IRS1: variants seen among roughly 807,000 people sequenced by gnomAD.
IRS1 encodes insulin receptor substrate 1.
In IRS1, 34 loss-of-function variants were observed where a neutral mutation model predicts 65.6. The ratio of observed to expected loss-of-function variants is 0.52; its 90% CI spans 0.39 to 0.69. The LOEUF (loss-of-function observed/expected upper bound fraction) is 0.69, where lower values mean the gene tolerates loss of function less well. Ranked by LOEUF, IRS1 falls within the 30% of genes least tolerant of loss-of-function variation. The pLI is 0.00. For synonymous variants in IRS1, 699 were observed against 683.5 expected, an observed-to-expected ratio of 1.02 and a Z score of -0.35; for missense variants, 1,641 against 1,720.2, an observed-to-expected ratio of 0.95 and a Z score of 0.81.
At chr2:226,762,711 C>T (rs1319963518) in intron 1 of IRS1, among the ~76,000 whole-genome samples, 1 of 152,168 alleles carries the variant, frequency 6.6e-6, no homozygotes, top group South Asian at 2.1e-4. Flanking sequence ...TAGGTTGGTG[C>T]AAATGTAATT....
At chr2:226,788,436 A>T (rs1939527812) in intron 1 of IRS1, among the ~76,000 whole-genome samples, 1 of 152,208 alleles carries the variant, frequency 6.6e-6, no homozygotes, top group African/African-American at 2.4e-5. Context: ...AAGCTCTATT[A>T]TTCAAAGATC....
intron 1 of IRS1, among the ~76,000 whole-genome samples, chr2:226,772,856 A>G (rs528931607): frequency 1.3e-5 from 2 of 152,112 alleles, no homozygotes; most frequent in African/African-American, 2.4e-5. Context: ...GTAAGACACT[A>G]AATTTTTTTT....
At chr2:226,765,759 G>A (rs1268567493) in intron 1 of IRS1, among the ~76,000 whole-genome samples, 2 of 152,100 alleles carry the variant, frequency 1.3e-5, no homozygotes, top group African/African-American at 4.8e-5. Context: ...TATGCAGGAT[G>A]TCTTCATCAG....
chr2:226,797,342 A>C lies in IRS1; in HGVS notation c.1397T>G (p.Ile466Ser). 1 of 1,613,228 alleles carries C rather than the reference A, an allele frequency of 6.2e-7. No individual in the cohort carries two copies. Among genetic ancestry groups the C allele is most frequent in the Non-Finnish European group, 8.5e-7 (1 of 1,179,930 alleles). Reference sequence around the variant, plus strand: ...GGAGGGCCCCTTGCCACCCATGCAGATATAGTTGCTTAGCTCCTCCTCACC... The same window carrying C: ...GGAGGGCCCCTTGCCACCCATGCAGCTATAGTTGCTTAGCTCCTCCTCACC... ...ARGEEELSNY[I>S]CMGGKGPSTL... The change falls in exon 1 of 2, where the codon ATC (isoleucine) becomes AGC (serine). Residue 466 changes from isoleucine (I) to serine (S), a missense_variant. By Grantham distance (142) the Ile-to-Ser change is moderately radical. Around this residue, in one of 3 missense-constraint regions of IRS1, gnomAD observed 1,324 missense variants for 1,361.0 expected, o/e 0.97. Coordinates refer to ENST00000305123, the MANE Select transcript of IRS1 (RefSeq NM_005544.3). The surrounding 1 kb of genome is among the most constrained non-coding windows in gnomAD (Gnocchi z 8.1).
Position 226,796,378 on chromosome 2 carries a change from C to T in IRS1, c.2361G>A (p.Gln787=), listed in dbSNP as rs1241642003. The T allele has an allele frequency of 1.2e-6, 2 of 1,613,298 alleles. No homozygotes were observed. The highest frequency in any genetic ancestry group is 1.1e-5 in the South Asian group (1 of 91,084). ...PGEPEEGARH[Q]HLRLSTSSGR... is the part of the protein sequence containing the mutation. ...CAGAGCTAGTGGAAAGGCGGAGGTG[C>T]TGATGCCGGGCACCCTCCTCCGGCT... is the stretch of plus-strand genomic sequence containing the variant. The change falls in exon 1 of 2, where the codon CAG becomes CAA. Residue 787 remains glutamine (Q), a synonymous_variant. Coordinates refer to ENST00000305123, the MANE Select transcript of IRS1 (RefSeq NM_005544.3).
chr2:226,738,797 G>C (rs964026973), intron 1 of IRS1, among the ~76,000 whole-genome samples: 6 of 152,154 alleles, frequency 3.9e-5, no homozygotes, highest in African/African-American at 9.7e-5. Context: ...CCTCTAATTA[G>C]GCAGGAAGGC....
chr2:226,747,329 G>A (rs1263827389), intron 1 of IRS1, among the ~76,000 whole-genome samples: 5 of 152,198 alleles, frequency 3.3e-5, no homozygotes, highest in African/African-American at 1.2e-4. Flanking sequence ...GGTATTAGGA[G>A]GTGGTGCCTT....
chr2:226,771,657 T>A (rs1939167240), intron 1 of IRS1, among the ~76,000 whole-genome samples: 1 of 152,046 alleles, frequency 6.6e-6, no homozygotes. Context: ...TATGTTTATA[T>A]ACATATATAA....
intron 1 of IRS1, among the ~76,000 whole-genome samples, chr2:226,791,018 T>G (rs1401584106): frequency 6.6e-6 from 1 of 152,316 alleles, no homozygotes; most frequent in African/African-American, 2.4e-5. Context: ...CACCGGGTTC[T>G]CAGGATCTGC....
intron 1 of IRS1, among the ~76,000 whole-genome samples, chr2:226,766,308 C>T (rs561266355): frequency 8.7e-5 from 13 of 149,626 alleles, no homozygotes; most frequent in Middle Eastern, 3.4e-3. Flanking sequence ...GGATTACAGG[C>T]GTGTGCCACC....
At position 226,796,974 on chromosome 2, in the gene IRS1, T is replaced by A. The variant is rs1461967412; in HGVS notation, c.1765A>T (p.Met589Leu). 1 of 1,581,862 alleles carries A rather than the reference T, an allele frequency of 6.3e-7. No individual in the cohort carries two copies. Among genetic ancestry groups the A allele is most frequent in the Non-Finnish European group, 8.6e-7 (1 of 1,160,676 alleles). The change falls in exon 1 of 2, where the codon ATG (methionine) becomes TTG (leucine). Residue 589 changes from methionine to leucine, a missense_variant. Physicochemically the swap from Met to Leu is conservative, Grantham distance 15. Around this residue, in one of 3 missense-constraint regions of IRS1, gnomAD observed 1,324 missense variants for 1,361.0 expected, o/e 0.97. Coordinates refer to ENST00000305123, the MANE Select transcript of IRS1 (RefSeq NM_005544.3). ...TRSYPEEGLE[M>L]HPLERRGGHH... The stretch of plus-strand genomic sequence containing the variant: ...CCCCCCCGACGCTCCAAGGGGTGCA[T>A]TTCCAGACCCTCCTCTGGGTAGGAG...
At chr2:226,762,370 A>G (rs566284731) in intron 1 of IRS1, among the ~76,000 whole-genome samples, 11 of 152,228 alleles carry the variant, frequency 7.2e-5, no homozygotes, top group African/African-American at 2.4e-4. Context: ...AAAAAAAAAA[A>G]AAAGAGAGAG....
chr2:226,797,304 G>C lies in IRS1; in HGVS notation c.1435C>G (p.Pro479Ala). 1 of 1,613,490 alleles carries C rather than the reference G, an allele frequency of 6.2e-7. No individual in the cohort carries two copies. The highest frequency in any genetic ancestry group is 8.5e-7 in the Non-Finnish European group (1 of 1,179,996). Reference sequence around the variant, plus strand: ...CGAGACAAAATGTAGTGACCGTTGGGGGCGGTCAGGGTGGAGGGCCCCTTG... The same window carrying C: ...CGAGACAAAATGTAGTGACCGTTGGCGGCGGTCAGGGTGGAGGGCCCCTTG... ...GGKGPSTLTA[P>A]NGHYILSRGG... Residue 479 changes from proline (P) to alanine (A), a missense_variant, in exon 1 of 2, where the codon CCC becomes GCC. Physicochemically the swap from Pro to Ala is conservative, Grantham distance 27 (BLOSUM62 -1). Transcript: ENST00000305123. This position sits in a 1 kb window ranked among gnomAD's most constrained non-coding sequence, Gnocchi z 8.1.
intron 1 of IRS1, among the ~76,000 whole-genome samples, chr2:226,751,274 ATTTTTTTTTTTTTTTTTT>A (rs35699614): frequency 1.3e-5 from 1 of 77,550 alleles, no homozygotes; most frequent in Non-Finnish European, 2.4e-5. Context: ...CCACACGGGT[ATTTTTTTTTTTTTTTTTT>A]TTTTTTTTTG....
chr2:226,780,201 G>A (rs1457759585), intron 1 of IRS1, among the ~76,000 whole-genome samples: 1 of 152,052 alleles, frequency 6.6e-6, no homozygotes, highest in Non-Finnish European at 1.5e-5. Context: ...GACCAGCCTG[G>A]CCAACATGGT....
chr2:226,768,994 C>T (rs566937254), intron 1 of IRS1, among the ~76,000 whole-genome samples: 1 of 152,092 alleles, frequency 6.6e-6, no homozygotes, highest in African/African-American at 2.4e-5. Flanking sequence ...CTTCAGTGAC[C>T]CATTCTCTAA....
At chr2:226,749,926 C>T (rs761357550) in intron 1 of IRS1, among the ~76,000 whole-genome samples, 1 of 151,978 alleles carries the variant, frequency 6.6e-6, no homozygotes, top group Non-Finnish European at 1.5e-5. Flanking sequence ...TGAGGGTTTC[C>T]TTGATTGTGT....
chr2:226,783,869 C>T (rs974251507), intron 1 of IRS1, among the ~76,000 whole-genome samples: 6 of 152,070 alleles, frequency 3.9e-5, no homozygotes, highest in African/African-American at 1.2e-4. Flanking sequence ...TATTTATGCA[C>T]TCATTGCTTC....
In IRS1 at chr2:226,798,312, C is replaced by A; in HGVS notation, c.427G>T (p.Gly143Cys). ...GGSCSGSSGL[G>C]EAGEDLSYGD... ...TAGCTCAAGTCCTCCCCAGCCTCAC[C>A]AAGGCCGGAGCTGCCGCTGCAGCTG... The change falls in exon 1 of 2, where the codon GGT becomes TGT. Residue 143 changes from glycine (G) to cysteine (C), a missense_variant. Gly to Cys is a radical substitution (Grantham distance 159). Around this residue, in one of 3 missense-constraint regions of IRS1, gnomAD observed 240 missense variants for 229.6 expected, o/e 1.05. Coordinates refer to ENST00000305123, the MANE Select transcript of IRS1 (RefSeq NM_005544.3). The surrounding 1 kb of genome is among the most constrained non-coding windows in gnomAD (Gnocchi z 9.4). The A allele has an allele frequency of 6.2e-7, 1 of 1,613,248 alleles. No individual in the cohort carries two copies. The highest frequency in any genetic ancestry group is 8.5e-7 in the Non-Finnish European group (1 of 1,179,896).
Sources: gnomAD v4.1 joint callset for allele counts (sites outside exome capture counted in the v4.1 genomes callset) on GRCh38, gnomAD v4.1.1 for gene constraint, gnomAD v4.1.1 regional missense constraint, Gnocchi (gnomAD v3.1) non-coding constraint, MANE v1.5 for transcripts, NCBI Gene and HGNC (gene_info 2026-07-23, HGNC 2026-07-21) for gene names.